The following NRG1 variants were observed in gnomAD, a reference collection of about 807,000 sequenced individuals.
NRG1 encodes the protein pro-neuregulin-1, membrane-bound isoform.
NRG1 carries 18 observed loss-of-function variants against 63.8 expected under a neutral mutation model. The ratio of observed to expected loss-of-function variants is 0.28; its 90% CI spans 0.19 to 0.42. NRG1 has a LOEUF of 0.42. Among genes scored for constraint, NRG1 ranks in the 10% least tolerant of loss-of-function variants. NRG1 has a pLI of 1.00. For synonymous variants in NRG1, 302 were observed against 301.3 expected (o/e 1.00, Z -0.02); for missense variants, 762 against 814.7 (o/e 0.94, Z 0.79).
chr8:31,713,109 ATTT>A (rs11304829), intron 1 of NRG1, among the ~76,000 whole-genome samples: 5 of 86,078 alleles, frequency 5.8e-5, no homozygotes, highest in African/African-American at 1.2e-4. Context: ...ACTCCTTCTA[ATTT>A]TTTTTTTTTT....
chr8:31,938,618 G>A (rs771809577), intron 1 of NRG1, among the ~76,000 whole-genome samples: 1 of 152,104 alleles, frequency 6.6e-6, no homozygotes, highest in Non-Finnish European at 1.5e-5. Flanking sequence ...CATCAAGGAG[G>A]CACCAGAAAA....
intron 1 of NRG1, among the ~76,000 whole-genome samples, chr8:32,243,932 T>A (rs1848370745): frequency 1.3e-5 from 2 of 152,152 alleles, no homozygotes; most frequent in Non-Finnish European, 2.9e-5. Flanking sequence ...TGCACATTGA[T>A]CCTCGATTTC....
intron 5 of NRG1, among the ~76,000 whole-genome samples, chr8:32,629,866 C>T (rs1037538971): frequency 7.2e-5 from 11 of 152,062 alleles, no homozygotes; most frequent in Non-Finnish European, 1.0e-4. Flanking sequence ...AAGAGAAGTG[C>T]CGCAACAGTG....
exon 12 of NRG1, chr8:32,767,205 T>C (rs1831496051): frequency 6.6e-6 from 1 of 152,208 alleles, no homozygotes; most frequent in Admixed American, 6.5e-5. Flanking sequence ...TACAAAATGG[T>C]CCTCTGTGTA....
intron 1 of NRG1, among the ~76,000 whole-genome samples, chr8:32,117,259 T>C (rs1733403593): frequency 6.6e-6 from 1 of 152,174 alleles, no homozygotes; most frequent in Admixed American, 6.6e-5. Context: ...GGGAGATATG[T>C]AGTTGTATGA....
intron 1 of NRG1, among the ~76,000 whole-genome samples, chr8:32,147,574 ATAT>A (rs1256872410): frequency 3.3e-5 from 5 of 152,330 alleles, no homozygotes; most frequent in Non-Finnish European, 7.4e-5. Context: ...CAAAACCTGT[ATAT>A]TATCCCTATC....
rs555965734 is a variant in NRG1 at position 31,662,382 on chromosome 8, T to G, written c.37+22951T>G. Among the ~76,000 whole-genome samples the G allele has an allele frequency of 3.3e-5, 5 of 152,342 alleles. No individual in the cohort carries two copies. In the East Asian group the frequency reaches 9.6e-4, roughly 29 times the overall value. ...AAAAAACAGCACTTTTCCTGATGAA[T>G]GAAGGACTGTGAAAAAGCTGTTATG... On this transcript the variant is annotated intron_variant, in intron 1 of 10. Transcript: ENST00000519301.
intron 1 of NRG1, among the ~76,000 whole-genome samples, chr8:32,226,614 A>G (rs756164292): frequency 1.3e-5 from 2 of 152,162 alleles, no homozygotes; most frequent in Non-Finnish European, 2.9e-5. Flanking sequence ...AACGTTTGGA[A>G]AGTTTGTCTC....
chr8:31,870,094 TAA>T (rs1443596808), intron 1 of NRG1, among the ~76,000 whole-genome samples: 2 of 152,196 alleles, frequency 1.3e-5, no homozygotes, highest in Non-Finnish European at 2.9e-5. Context: ...GGTTTTTCTT[TAA>T]GTTATTGAAG....
At chr8:32,724,568 C>G (rs960446982) in intron 5 of NRG1, among the ~76,000 whole-genome samples, 1 of 152,110 alleles carries the variant, frequency 6.6e-6, no homozygotes, top group Non-Finnish European at 1.5e-5. Flanking sequence ...CTGTGTAAGA[C>G]TGTCAGGGCC....
At chr8:32,114,592 G>A (rs961970724) in intron 1 of NRG1, among the ~76,000 whole-genome samples, 11 of 152,126 alleles carry the variant, frequency 7.2e-5, no homozygotes, top group African/African-American at 2.7e-4. Flanking sequence ...GACCTCACAT[G>A]GGTAAAGGAA....
intron 1 of NRG1, among the ~76,000 whole-genome samples, chr8:32,519,081 T>A (rs1428691146): frequency 1.3e-5 from 2 of 150,258 alleles, no homozygotes; most frequent in Admixed American, 1.3e-4. Context: ...AGGGTTAGAA[T>A]TTTTTTTTAC....
intron 1 of NRG1, among the ~76,000 whole-genome samples, chr8:31,724,364 T>C (rs918970819): frequency 1.3e-5 from 2 of 152,136 alleles, no homozygotes; most frequent in Non-Finnish European, 2.9e-5. Flanking sequence ...ATGAGAAATA[T>C]GAAAGGAGTC....
rs575335101 is a variant in NRG1 at position 31,976,877 on chromosome 8, G to A, written c.37+337446G>A. On this transcript the variant is annotated intron_variant, in intron 1 of 10. Coordinates refer to the NRG1 transcript ENST00000519301. ...ACTGGAAATATATATCAATGAAAAC[G>A]TATAAATGAAATCCTGAAACTATAT... Among the ~76,000 whole-genome samples, 6 of 152,202 alleles carry A rather than the reference G, an allele frequency of 3.9e-5. No individual in the cohort carries two copies. The Middle Eastern group carries it at 0.01, about 259-fold the overall frequency.
Position 31,640,198 on chromosome 8 carries a change from G to A in NRG1, c.37+767G>A. ...CTCGTCCCCGCCCAGCGTGGGATCG[G>A]TGCAGGAGCTAGCTCAGCGCGCCGC... On this transcript the variant is annotated intron_variant, in intron 1 of 10. Coordinates refer to the NRG1 transcript ENST00000519301. This position sits in a 1 kb window ranked among gnomAD's most constrained non-coding sequence, Gnocchi z 6.3. The A allele has an allele frequency of 8.5e-7, 1 of 1,173,098 alleles. No individual in the cohort carries two copies. Among genetic ancestry groups the A allele is most frequent in the Non-Finnish European group, 1.1e-6 (1 of 948,798 alleles). The allele number at this position is 1,173,098 out of a possible 1,614,324, so 72.7% of individuals were successfully genotyped here.
At chr8:31,723,832 A>G (rs765660340) in intron 1 of NRG1, among the ~76,000 whole-genome samples, 27 of 152,186 alleles carry the variant, frequency 1.8e-4, no homozygotes, top group Non-Finnish European at 3.4e-4. Flanking sequence ...TTCGAAGTAC[A>G]TTCAGAAGTG....
At chr8:32,618,354 C>T (rs1158008140) in intron 5 of NRG1, among the ~76,000 whole-genome samples, 9 of 151,996 alleles carry the variant, frequency 5.9e-5, no homozygotes, top group African/African-American at 2.2e-4. Flanking sequence ...ATCAATGGGA[C>T]CATAGATACT....
At chr8:31,953,132 G>T (rs449951) in intron 1 of NRG1, among the ~76,000 whole-genome samples, 128,213 of 151,976 alleles carry the variant, frequency 0.84, 54,880 homozygotes, top group Non-Finnish European at 0.91. Context: ...AGATTCAATA[G>T]GAAACACAGC....
intron 1 of NRG1, among the ~76,000 whole-genome samples, chr8:32,540,638 A>G (rs887996678): frequency 6.6e-6 from 1 of 152,150 alleles, no homozygotes; most frequent in Non-Finnish European, 1.5e-5. Context: ...TGGGACAAAC[A>G]GATTATTCAC....
Sources: allele counts gnomAD v4.1 joint callset (sites outside exome capture counted in the v4.1 genomes callset), GRCh38; gene constraint gnomAD v4.1.1; non-coding constraint Gnocchi (gnomAD v3.1); transcripts MANE v1.5; gene names NCBI Gene and HGNC (gene_info 2026-07-23, HGNC 2026-07-21).